The following RALGPS2 variants were observed in gnomAD, a reference collection of about 807,000 sequenced individuals.
RALGPS2 encodes Ral GEF with PH domain and SH3 binding motif 2, also known as ras-specific guanine nucleotide-releasing factor RalGPS2.
A neutral mutation model predicts 86.8 loss-of-function variants in RALGPS2; 43 were observed. The ratio of observed to expected loss-of-function variants is 0.50; its 90% CI spans 0.39 to 0.64. The LOEUF is 0.64. Among genes scored for constraint, RALGPS2 ranks in the 30% least tolerant of loss-of-function variants. The pLI is 0.00. For missense variants in RALGPS2, 536 were observed against 694.6 expected (o/e 0.77, Z 2.57); for synonymous variants, 243 against 231.3 (o/e 1.05, Z -0.46).
rs1301095898 is a variant in RALGPS2, at chr1:178,919,889, G to GT, written c.*3535dup. ...ATAAAGCAAATCCTCTGCTTCAAAG[G>GT]TTTTTGAAATAATTGGATCCCTTTT... On this transcript the variant is annotated 3_prime_UTR_variant, in exon 20 of 20. Transcript: ENST00000367635. The GT allele has an allele frequency of 6.6e-6, 1 of 151,962 alleles. No homozygotes were observed. Among genetic ancestry groups the GT allele is most frequent in the Non-Finnish European group, 1.5e-5 (1 of 67,868 alleles). The allele number at this position is 151,962 out of a possible 1,614,324, so 9.4% of individuals were successfully genotyped here.
chr1:178,746,281 T>C (rs919914895), intron 1 of RALGPS2, among the ~76,000 whole-genome samples: 10 of 152,228 alleles, frequency 6.6e-5, no homozygotes, highest in African/African-American at 2.2e-4. Flanking sequence ...ATTTGATAGA[T>C]ACCTCACCAC....
At chr1:178,832,657 A>G (rs1188141300) in intron 7 of RALGPS2, among the ~76,000 whole-genome samples, 3 of 152,130 alleles carry the variant, frequency 2.0e-5, no homozygotes, top group Admixed American at 2.0e-4. Context: ...AGTGAAATCT[A>G]ATGTAGTAAT....
At chr1:178,761,079 G>T (rs1379932518) in intron 1 of RALGPS2, among the ~76,000 whole-genome samples, 4 of 151,576 alleles carry the variant, frequency 2.6e-5, no homozygotes, top group Non-Finnish European at 4.4e-5. Context: ...GGTTCAAGGG[G>T]TTCTTGTGGC....
chr1:178,813,855 C>T (rs951358661), intron 6 of RALGPS2, among the ~76,000 whole-genome samples: 3 of 152,064 alleles, frequency 2.0e-5, no homozygotes, highest in African/African-American at 2.4e-5. Context: ...AGATGTTAAC[C>T]GCATCTACAA....
intron 16 of RALGPS2, 34 bp from the exon 17 acceptor site, chr1:178,897,630 T>C (rs764090722): frequency 6.6e-7 from 1 of 1,518,308 alleles, no homozygotes; most frequent in Non-Finnish European, 9.1e-7. Flanking sequence ...CCAGGAGCAT[T>C]GTAATAGTAT....
rs769773335 is a variant in RALGPS2 at position 178,864,975 on chromosome 1, G to C, written c.608-12523G>C. 5.5e-6 allele frequency: 8 copies of C among 1,459,234 alleles called. No individual in the cohort carries two copies. The South Asian group carries it at 1.2e-4, about 22-fold the overall frequency. 90.4% of individuals were successfully genotyped at this position (1,459,234 alleles called of 1,614,324 possible). On this transcript the variant is annotated intron_variant, in intron 8 of 19. Coordinates refer to ENST00000367635, the MANE Select transcript of RALGPS2 (RefSeq NM_152663.5). ...TCACCTTCATTGATGAAAGTTACCG[G>C]TGGTATCTTGAAAGGGCTTTTGGTG...
intron 1 of RALGPS2, chr1:178,747,547 C>T (rs563758398): frequency 6.2e-7 from 1 of 1,612,054 alleles, no homozygotes; most frequent in African/African-American, 1.3e-5. Flanking sequence ...GCTGCCAAAC[C>T]ATAAGCCAGA....
At chr1:178,859,831 C>CG (rs1553271918) in intron 8 of RALGPS2, among the ~76,000 whole-genome samples, 4 of 100,560 alleles carry the variant, frequency 4.0e-5, no homozygotes, top group Non-Finnish European at 9.0e-5. Flanking sequence ...CCCCCCCCCC[C>CG]CCAACCGCCC....
At position 178,892,239 on chromosome 1, in the gene RALGPS2, A is replaced by G; in HGVS notation, c.1257A>G (p.Leu419=). 6.2e-7 allele frequency: 1 copy of G among 1,612,562 alleles called. No homozygotes were observed. Among genetic ancestry groups the G allele is most frequent in the Non-Finnish European group, 8.5e-7 (1 of 1,178,930 alleles). Residue 419 remains leucine, a synonymous_variant, in exon 15 of 20, where the codon TTA becomes TTG. Transcript: ENST00000367635. ...TSWPAFERNR[L]YHSLGPVTRV... ...TAATGGAATCCAACAGGAACAGATT[A>G]TACCATTCTCTCGGCCCGGTGACAA...
intron 6 of RALGPS2, among the ~76,000 whole-genome samples, chr1:178,814,266 T>C (rs1403445714): frequency 2.0e-5 from 3 of 152,256 alleles, no homozygotes; most frequent in Non-Finnish European, 4.4e-5. Context: ...GAGTATCCTA[T>C]TTGTATATAT....
chr1:178,744,980 G>C (rs1651234985), intron 1 of RALGPS2, among the ~76,000 whole-genome samples: 1 of 152,192 alleles, frequency 6.6e-6, no homozygotes, highest in Non-Finnish European at 1.5e-5. Flanking sequence ...TACAGAATCA[G>C]TCTGTAAATA....
intron 11 of RALGPS2, among the ~76,000 whole-genome samples, chr1:178,884,775 G>T (rs1659403650): frequency 6.6e-6 from 1 of 152,136 alleles, no homozygotes; most frequent in Admixed American, 6.5e-5. Context: ...GAAGACCTGT[G>T]TGTTTAGTCC....
intron 1 of RALGPS2, among the ~76,000 whole-genome samples, chr1:178,741,398 A>G (rs1651018493): frequency 6.6e-6 from 1 of 152,242 alleles, no homozygotes; most frequent in Non-Finnish European, 1.5e-5. Context: ...TAATTTTTAA[A>G]TATCTAATTC....
chr1:178,757,681 G>C (rs1652022883), intron 1 of RALGPS2, among the ~76,000 whole-genome samples: 2 of 152,286 alleles, frequency 1.3e-5, no homozygotes, highest in Non-Finnish European at 2.9e-5. Context: ...TGTGCTGCTG[G>C]ATTCGGCTTG....
chr1:178,730,705 T>TG (rs1558091786), intron 1 of RALGPS2, among the ~76,000 whole-genome samples: 1 of 150,968 alleles, frequency 6.6e-6, no homozygotes, highest in African/African-American at 2.4e-5. Context: ...TTTTTTTTTT[T>TG]GTTTTTTTTT....
At chr1:178,737,101 G>T (rs1486753708) in intron 1 of RALGPS2, among the ~76,000 whole-genome samples, 1 of 151,978 alleles carries the variant, frequency 6.6e-6, no homozygotes, top group African/African-American at 2.4e-5. Context: ...ATCTAAAATG[G>T]CTTCAGTTGC....
intron 1 of RALGPS2, among the ~76,000 whole-genome samples, chr1:178,731,665 T>C (rs1373914973): frequency 6.6e-6 from 1 of 152,158 alleles, no homozygotes; most frequent in Non-Finnish European, 1.5e-5. Context: ...GGCCCTACGA[T>C]CTTTTGTCTT....
At chr1:178,817,082 A>G (rs970716502) in intron 6 of RALGPS2, among the ~76,000 whole-genome samples, 3 of 151,884 alleles carry the variant, frequency 2.0e-5, no homozygotes, top group African/African-American at 7.3e-5. Flanking sequence ...TATCTAGGCC[A>G]GGCACAGTGG....
At chr1:178,792,399 A>G (rs1261765917) in intron 4 of RALGPS2, among the ~76,000 whole-genome samples, 3 of 152,126 alleles carry the variant, frequency 2.0e-5, no homozygotes, top group Non-Finnish European at 4.4e-5. Flanking sequence ...AGTATCTCCC[A>G]TTGACGTTAC....
Sources: allele counts gnomAD v4.1 joint callset (sites outside exome capture counted in the v4.1 genomes callset), GRCh38; gene constraint gnomAD v4.1.1; transcripts MANE v1.5; gene names NCBI Gene and HGNC (gene_info 2026-07-23, HGNC 2026-07-21).